Variants in KPNA7 observed in about 807,000 individuals in gnomAD.
KPNA7 encodes the protein importin subunit alpha-8.
Under a neutral mutation model 53.7 loss-of-function variants are expected in KPNA7, and 54 were observed. The observed-to-expected ratio is 1.01, with a 90% CI of 0.81 to 1.26. The LOEUF is 1.26. Ranked by LOEUF, KPNA7 falls within the 50% of genes most tolerant of loss-of-function variation. The probability of loss-of-function intolerance (pLI) is 0.00; values close to 1 mark genes in which losing one functional copy is unlikely to be tolerated. For synonymous variants in KPNA7, 276 were observed against 259.3 expected (o/e 1.06, Z -0.62); for missense variants, 640 against 644.5 (o/e 0.99, Z 0.07).
At chr7:99,153,523 C>T in the KPNA7 span, among the ~76,000 whole-genome samples, 1 of 150,634 alleles carries the variant, frequency 6.6e-6, no homozygotes, top group African/African-American at 2.5e-5. Flanking sequence ...GCACTCCAGC[C>T]CAGGTGACAG....
In KPNA7 at chr7:99,195,153, G is replaced by A; in HGVS notation, c.470C>T (p.Ala157Val). The change falls in exon 5 of 11, where the codon GCC becomes GTC. Residue 157 changes from alanine to valine, a missense_variant. Transcript: ENST00000327442. Reference protein sequence around the residue: ...EQTRAVVEGGAIQPLIELLSS... With the variant: ...EQTRAVVEGGVIQPLIELLSS... ...CAGGAGCTCAATCAAGGGCTGGATG[G>A]CTCCCCCTTCTACCACGGCACGAGT... 1.3e-6 allele frequency: 2 copies of A among 1,551,606 alleles called. No homozygotes were observed. Among genetic ancestry groups the A allele is most frequent in the Non-Finnish European group, 8.7e-7 (1 of 1,147,000 alleles).
At chr7:99,158,804 G>A in the KPNA7 span, among the ~76,000 whole-genome samples, 19 of 151,912 alleles carry the variant, frequency 1.3e-4, no homozygotes, top group Non-Finnish European at 2.9e-5. Context: ...ACTCAGCCCA[G>A]TTCTACTATC....
chr7:99,150,641 C>T, the KPNA7 span, among the ~76,000 whole-genome samples: 3 of 152,044 alleles, frequency 2.0e-5, no homozygotes, highest in African/African-American at 7.2e-5. Context: ...GTCTCGAACT[C>T]CTGACCTCAA....
At chr7:99,211,986 T>C (rs949543811), upstream of KPNA7, among the ~76,000 whole-genome samples, 2 of 152,110 alleles carry the variant, frequency 1.3e-5, no homozygotes, top group African/African-American at 4.8e-5. Flanking sequence ...CCCCAACCAA[T>C]GTGGACAAAG....
At chr7:99,184,367 T>G (rs1050029716) in intron 8 of KPNA7, among the ~76,000 whole-genome samples, 17 of 152,226 alleles carry the variant, frequency 1.1e-4, no homozygotes, top group African/African-American at 3.9e-4. Context: ...TTCGCCACAT[T>G]GCCCAGGCTG....
In KPNA7 at chr7:99,182,017, C is replaced by G. The variant is rs1370349746; in HGVS notation, c.1183G>C (p.Ala395Pro). 1 of 1,548,826 alleles carries G rather than the reference C, an allele frequency of 6.5e-7. No individual in the cohort carries two copies. The highest frequency in any genetic ancestry group is 1.2e-5 in the South Asian group (1 of 83,932). Reference protein sequence around the residue: ...KEAVWMVANFATGATMDQLIQ... With the variant: ...KEAVWMVANFPTGATMDQLIQ... ...AGCTGATCCATGGTGGCCCCTGTTG[C>G]AAAGTTCGCCACCATCCAGACAGCC... Residue 395 changes from alanine to proline, a missense_variant, in exon 9 of 11, where the codon GCA (alanine) becomes CCA (proline). By Grantham distance (27) the Ala-to-Pro change is conservative (BLOSUM62 -1). Transcript: ENST00000327442.
chr7:99,188,746 T>C (rs186947070), intron 6 of KPNA7, among the ~76,000 whole-genome samples, 183 bp from the exon 7 acceptor site: 52 of 152,302 alleles, frequency 3.4e-4, no homozygotes, highest in Non-Finnish European at 6.5e-4. Flanking sequence ...GATGCAATCT[T>C]GGCTCACTGC....
chr7:99,151,496 G>A, the KPNA7 span, among the ~76,000 whole-genome samples: 2 of 150,846 alleles, frequency 1.3e-5, no homozygotes, highest in Non-Finnish European at 3.0e-5. Context: ...TGTTGCCCAG[G>A]CTAGAGTGCA....
chr7:99,178,376 C>T (rs1799001260), intron 9 of KPNA7, among the ~76,000 whole-genome samples: 2 of 152,058 alleles, frequency 1.3e-5, no homozygotes, highest in Non-Finnish European at 2.9e-5. Flanking sequence ...TGAGACCAGC[C>T]TGGCCAACAT....
chr7:99,218,471 G>A (rs1791267580), intron 1 of KPNA7, among the ~76,000 whole-genome samples: 1 of 152,082 alleles, frequency 6.6e-6, no homozygotes. Context: ...CAACATCCCG[G>A]GGAGTACTTC....
chr7:99,163,348 T>C, the KPNA7 span, among the ~76,000 whole-genome samples: 1 of 133,910 alleles, frequency 7.5e-6, no homozygotes, highest in Non-Finnish European at 1.6e-5. Flanking sequence ...GCACTATAAA[T>C]ATGAGTGTGT....
In KPNA7 at chr7:99,176,311, AAGAAAGAAAG is replaced by A. The variant is rs755225342; in HGVS notation, c.1464+1599_1464+1608del. On this transcript the variant is annotated intron_variant, in intron 10 of 10. Coordinates refer to ENST00000327442, the MANE Select transcript of KPNA7 (RefSeq NM_001145715.3). ...AGACTACGTCTCAAAAAAAAAAAAA[AAGAAAGAAAG>A]AAAGAAAGAAAAGAAAAATTTCTGA... is the stretch of plus-strand genomic sequence containing the variant. Among the ~76,000 whole-genome samples, 284 of 81,490 alleles carry A rather than the reference AAGAAAGAAAG, an allele frequency of 3.5e-3. 20 individuals are homozygous for A. Among genetic ancestry groups the A allele is most frequent in the Middle Eastern group, 7.0e-3 (1 of 142 alleles). The allele number at this position is 81,490 out of a possible 152,430, so 53.5% of individuals were successfully genotyped here. A position where few individuals can be genotyped will look rare whatever the true frequency, so the allele number is the denominator to read the frequency against.
intron 6 of KPNA7, 32 bp downstream of exon 6, chr7:99,192,987 A>ATT: frequency 7.1e-7 from 1 of 1,413,684 alleles, no homozygotes; most frequent in Non-Finnish European, 9.5e-7. Context: ...TTTAATTTAA[A>ATT]AAAAAAAAAA....
intron 2 of KPNA7, 107 bp downstream of exon 2, chr7:99,207,292 CAA>C: frequency 1.2e-6 from 1 of 868,394 alleles, no homozygotes; most frequent in Non-Finnish European, 1.9e-6. Context: ...CTCAGCCTCT[CAA>C]AGTGTTGGGA....
At chr7:99,163,383 A>ATTTTTTTT in the KPNA7 span, among the ~76,000 whole-genome samples, 33 of 40,812 alleles carry the variant, frequency 8.1e-4, no homozygotes, top group Middle Eastern at 0.022. Context: ...ATATATATAT[A>ATTTTTTTT]TTTTTTTTTT....
At chr7:99,163,623 G>A in the KPNA7 span, among the ~76,000 whole-genome samples, 1 of 151,520 alleles carries the variant, frequency 6.6e-6, no homozygotes, top group Non-Finnish European at 1.5e-5. Flanking sequence ...ATGGCCTCAA[G>A]TGATTCTCCC....
intron 3 of KPNA7, among the ~76,000 whole-genome samples, chr7:99,200,716 C>T (rs1790481818): frequency 6.6e-6 from 1 of 152,190 alleles, no homozygotes; most frequent in African/African-American, 2.4e-5. Flanking sequence ...TGGCTCACAC[C>T]TGTAATCCCA....
At chr7:99,160,012 TTTTTG>T in the KPNA7 span, among the ~76,000 whole-genome samples, 8 of 105,198 alleles carry the variant, frequency 7.6e-5, no homozygotes, top group African/African-American at 2.2e-4. Flanking sequence ...TCCTCTGTTG[TTTTTG>T]TTTTTTTTTT....
At chr7:99,196,989 A>T (rs1472133799) in intron 3 of KPNA7, among the ~76,000 whole-genome samples, 3 of 152,018 alleles carry the variant, frequency 2.0e-5, no homozygotes, top group African/African-American at 7.3e-5. Flanking sequence ...TTGAAAGGGA[A>T]TGTCATGTAT....
Sources: gnomAD v4.1 joint callset for allele counts (sites outside exome capture counted in the v4.1 genomes callset) on GRCh38, gnomAD v4.1.1 for gene constraint, MANE v1.5 for transcripts, NCBI Gene and HGNC (gene_info 2026-07-23, HGNC 2026-07-21) for gene names.